Variants in PPME1 observed in about 807,000 individuals in gnomAD.
PPME1 encodes the protein protein phosphatase methylesterase 1.
Under a neutral mutation model 56.9 loss-of-function variants are expected in PPME1, and 17 were observed. That is an observed-to-expected ratio of 0.30 (90% confidence interval 0.20 to 0.45). The LOEUF is 0.45. Among genes scored for constraint, PPME1 ranks in the 20% least tolerant of loss-of-function variants. The pLI is 1.00. For missense variants in PPME1, 357 were observed against 483.2 expected (o/e 0.74, Z 2.45); for synonymous variants, 122 against 156.2 (o/e 0.78, Z 1.63).
At chr11:74,185,600 CT>C (rs1235523401) in intron 1 of PPME1, among the ~76,000 whole-genome samples, 43 of 135,376 alleles carry the variant, frequency 3.2e-4, no homozygotes, top group African/African-American at 3.0e-4. Flanking sequence ...GTTTCAGTGG[CT>C]TTTTTTTTTG....
Position 74,222,307 on chromosome 11 carries a change from C to T in PPME1, c.289-5C>T. 2 of 1,607,478 alleles carry T rather than the reference C, an allele frequency of 1.2e-6. No homozygotes were observed. The highest frequency in any genetic ancestry group is 8.5e-7 in the Non-Finnish European group (1 of 1,174,382). On this transcript the variant is annotated splice_region_variant and splice_polypyrimidine_tract_variant and intron_variant, in intron 3 of 13. Coordinates refer to ENST00000328257, the MANE Select transcript of PPME1 (RefSeq NM_016147.3). ...TGTCTTAACTACTTTTCCTTTTTCT[C>T]CTAGGCAGCGATTATTAGTAGAGTT...
intron 3 of PPME1, among the ~76,000 whole-genome samples, chr11:74,220,310 T>TCTTA (rs61253277): frequency 0.1 from 15,817 of 152,150 alleles, 2,136 homozygotes; most frequent in African/African-American, 0.32. Flanking sequence ...ACTACCCAGT[T>TCTTA]CTTCCAATCT....
chr11:74,251,516 A>G (rs1345547096), intron 12 of PPME1, 132 bp from the exon 13 acceptor site: 1 of 1,470,134 alleles, frequency 6.8e-7, no homozygotes, highest in East Asian at 2.4e-5. Flanking sequence ...GGTCCTTTTA[A>G]TTTCAAGCCA....
intron 1 of PPME1, among the ~76,000 whole-genome samples, chr11:74,174,756 A>G (rs1046957971): frequency 1.3e-5 from 2 of 152,216 alleles, no homozygotes; most frequent in South Asian, 2.1e-4. Context: ...CAGACATTGT[A>G]ATGGTAACTT....
chr11:74,183,515 TTATA>T (rs908382867), intron 1 of PPME1, among the ~76,000 whole-genome samples: 2 of 152,042 alleles, frequency 1.3e-5, no homozygotes, highest in Non-Finnish European at 2.9e-5. Context: ...TTTATATATA[TTATA>T]TATATGTCTC....
intron 3 of PPME1, among the ~76,000 whole-genome samples, chr11:74,219,282 G>A (rs192002613): frequency 3.3e-5 from 5 of 151,494 alleles, no homozygotes; most frequent in African/African-American, 9.7e-5. Flanking sequence ...ATACACTGTT[G>A]GTGAGAATGT....
At chr11:74,217,459 C>T (rs1858680000) in intron 3 of PPME1, among the ~76,000 whole-genome samples, 1 of 149,912 alleles carries the variant, frequency 6.7e-6, no homozygotes, top group African/African-American at 2.5e-5. Flanking sequence ...GGAGGATTGC[C>T]TGAACCTGGG....
intron 3 of PPME1, among the ~76,000 whole-genome samples, chr11:74,209,253 C>T (rs1277742994): frequency 2.6e-5 from 4 of 151,998 alleles, no homozygotes; most frequent in African/African-American, 4.8e-5. Context: ...ACCACAGGTG[C>T]GCGCTGCCAC....
intron 3 of PPME1, among the ~76,000 whole-genome samples, chr11:74,212,911 C>G (rs934226551): frequency 6.6e-6 from 1 of 152,152 alleles, no homozygotes; most frequent in African/African-American, 2.4e-5. Flanking sequence ...AAGTGTGACC[C>G]AACACATTCC....
At position 74,253,594 on chromosome 11, in the gene PPME1, C is replaced by T. The variant is rs1048513488; in HGVS notation, c.*84C>T. ...GGCCACTGTGATGCCACTGTCTCCT[C>T]TCCATCCCGCCCAGCCATGTGACAC... On this transcript the variant is annotated 3_prime_UTR_variant, in exon 14 of 14. Transcript: ENST00000328257. 4.8e-6 allele frequency: 7 copies of T among 1,448,294 alleles called. No individual in the cohort carries two copies. The highest frequency in any genetic ancestry group is 5.8e-6 in the Non-Finnish European group (6 of 1,030,030). The allele number at this position is 1,448,294 out of a possible 1,614,324, so 89.7% of individuals were successfully genotyped here.
intron 5 of PPME1, 53 bp downstream of exon 5, chr11:74,225,309 A>C (rs901431671): frequency 7.9e-7 from 1 of 1,259,518 alleles, no homozygotes; most frequent in African/African-American, 1.5e-5. Context: ...ACTATTATAA[A>C]TAGTACTATA....
chr11:74,247,483 GTTTTTTT>G lies in PPME1; in HGVS notation c.1009+376_1009+382del, dbSNP rs761820906. 4.5e-3 allele frequency: 533 copies of G among 119,086 alleles called. 4 individuals are homozygous for G. Among genetic ancestry groups the G allele is most frequent in the African/African-American group, 0.015 (505 of 33,550 alleles). The allele number at this position is 119,086 out of a possible 1,614,324, so 7.4% of individuals were successfully genotyped here. On this transcript the variant is annotated intron_variant, in intron 11 of 13. Coordinates refer to ENST00000328257, the MANE Select transcript of PPME1 (RefSeq NM_016147.3). Reference sequence around the variant, plus strand: ...CTACTGATCAGTTTTTTGTTTGTGGGTTTTTTTTTTTTTTTTTTTTTTGAATTGGAGT... The same window carrying G: ...CTACTGATCAGTTTTTTGTTTGTGGGTTTTTTTTTTTTTTTGAATTGGAGT...
intron 1 of PPME1, among the ~76,000 whole-genome samples, chr11:74,190,210 G>A (rs1000259848): frequency 1.3e-5 from 2 of 152,202 alleles, no homozygotes; most frequent in African/African-American, 2.4e-5. Context: ...GATAGGGTTA[G>A]AATGTTTGTC....
At chr11:74,199,099 G>A (rs1395260931) in intron 1 of PPME1, among the ~76,000 whole-genome samples, 2 of 152,094 alleles carry the variant, frequency 1.3e-5, no homozygotes. Flanking sequence ...AGCAGGCTGG[G>A]TCCTTATCTG....
At chr11:74,235,154 G>A (rs1859159728) in intron 7 of PPME1, among the ~76,000 whole-genome samples, 1 of 152,186 alleles carries the variant, frequency 6.6e-6, no homozygotes, top group Non-Finnish European at 1.5e-5. Flanking sequence ...GAGATTTAAA[G>A]AAGTGCTTTC....
At chr11:74,207,820 C>T (rs1361989177) in intron 3 of PPME1, among the ~76,000 whole-genome samples, 1 of 152,144 alleles carries the variant, frequency 6.6e-6, no homozygotes, top group Non-Finnish European at 1.5e-5. Context: ...CTAGATTTTG[C>T]CAGCCTCCAA....
rs1857470161 is a variant in PPME1 at position 74,179,180 on chromosome 11, CCT to C, written c.101+7665_101+7666del. 4.6e-5 allele frequency among the ~76,000 whole-genome samples: 7 copies of C among 152,188 alleles called. No individual in the cohort carries two copies. The South Asian group carries it at 1.4e-3, about 32-fold the overall frequency. On this transcript the variant is annotated intron_variant, in intron 1 of 13. Transcript: ENST00000328257. ...ACTTTTTCCAGGTTTAAGTAGACATCCTCTCTCTGCCACTAACAAGTTGTATG... is the reference window on the plus strand; with the variant it reads ...ACTTTTTCCAGGTTTAAGTAGACATCCTCTCTGCCACTAACAAGTTGTATG...
intron 1 of PPME1, among the ~76,000 whole-genome samples, chr11:74,182,693 A>G (rs562957424): frequency 6.6e-6 from 1 of 152,322 alleles, no homozygotes; most frequent in African/African-American, 2.4e-5. Context: ...CATTGCCTGA[A>G]CATAAGTGAA....
At chr11:74,227,588 A>G (rs546852137) in intron 5 of PPME1, among the ~76,000 whole-genome samples, 26 of 152,254 alleles carry the variant, frequency 1.7e-4, no homozygotes, top group African/African-American at 5.5e-4. Context: ...TGATATTCCA[A>G]TTTCTGTGAT....
Sources: gnomAD v4.1 joint callset for allele counts (sites outside exome capture counted in the v4.1 genomes callset) on GRCh38, gnomAD v4.1.1 for gene constraint, MANE v1.5 for transcripts, NCBI Gene and HGNC (gene_info 2026-07-23, HGNC 2026-07-21) for gene names.